The following FNBP1L variants were observed in gnomAD, a reference collection of about 807,000 sequenced individuals.
The protein encoded by FNBP1L is formin-binding protein 1-like.
A neutral mutation model predicts 91.2 loss-of-function variants in FNBP1L; 36 were observed. That is an observed-to-expected ratio of 0.39 (90% CI 0.30 to 0.52). The LOEUF (loss-of-function observed/expected upper bound fraction) is 0.52, where lower values mean the gene tolerates loss of function less well. Ranked by LOEUF, FNBP1L falls within the 20% of genes least tolerant of loss-of-function variation. The pLI is 0.66. For missense variants in FNBP1L, 571 were observed against 732.1 expected, an observed-to-expected ratio of 0.78 and a Z score of 2.54; for synonymous variants, 242 against 237.0, an observed-to-expected ratio of 1.02 and a Z score of -0.19.
intron 12 of FNBP1L, 57 bp downstream of exon 12, chr1:93,544,273 C>A: frequency 8.1e-7 from 1 of 1,238,430 alleles, no homozygotes; most frequent in South Asian, 1.4e-5. Context: ...CTTTGAGTGA[C>A]GCCCTTAAAT....
chr1:93,495,711 G>A (rs1670239041), intron 1 of FNBP1L, among the ~76,000 whole-genome samples: 1 of 151,992 alleles, frequency 6.6e-6, no homozygotes, highest in Non-Finnish European at 1.5e-5. Context: ...AATTTAATCT[G>A]TCCCTTCAAG....
chr1:93,466,791 G>A (rs1669095156), intron 1 of FNBP1L, among the ~76,000 whole-genome samples: 1 of 152,068 alleles, frequency 6.6e-6, no homozygotes, highest in Non-Finnish European at 1.5e-5. Flanking sequence ...ATTACTTTGG[G>A]CAGTATGGCC....
At chr1:93,519,602 G>A (rs1302933875) in intron 2 of FNBP1L, among the ~76,000 whole-genome samples, 1 of 152,142 alleles carries the variant, frequency 6.6e-6, no homozygotes, top group Non-Finnish European at 1.5e-5. Flanking sequence ...GCATATGACT[G>A]CACAGTTTGT....
chr1:93,532,872 ATGAT>A (rs763990566), intron 7 of FNBP1L, 46 bp from the exon 8 acceptor site: 2 of 1,450,706 alleles, frequency 1.4e-6, no homozygotes, highest in Non-Finnish European at 9.4e-7. Context: ...CTCCTTTAGA[ATGAT>A]TGAAAAATTC....
intron 14 of FNBP1L, among the ~76,000 whole-genome samples, chr1:93,548,947 A>G (rs1672321952): frequency 6.6e-6 from 1 of 152,160 alleles, no homozygotes; most frequent in African/African-American, 2.4e-5. Flanking sequence ...TTTTAGGATG[A>G]TAAATTTGGG....
intron 1 of FNBP1L, among the ~76,000 whole-genome samples, chr1:93,478,368 G>A (rs774364791): frequency 6.6e-6 from 1 of 152,196 alleles, no homozygotes; most frequent in Non-Finnish European, 1.5e-5. Context: ...GGGTATCAGA[G>A]CATGAATGGG....
intron 2 of FNBP1L, among the ~76,000 whole-genome samples, chr1:93,503,748 T>C (rs980708874): frequency 6.6e-6 from 1 of 152,220 alleles, no homozygotes; most frequent in African/African-American, 2.4e-5. Flanking sequence ...TGCAAAGATA[T>C]GCAACTGAAA....
At chr1:93,509,651 C>G (rs994689332) in intron 2 of FNBP1L, among the ~76,000 whole-genome samples, 2 of 152,222 alleles carry the variant, frequency 1.3e-5, no homozygotes, top group Non-Finnish European at 2.9e-5. Flanking sequence ...CAGCTCCCAG[C>G]GTGAGCGACG....
At chr1:93,505,846 T>A (rs942908344) in intron 2 of FNBP1L, among the ~76,000 whole-genome samples, 1 of 152,120 alleles carries the variant, frequency 6.6e-6, no homozygotes, top group African/African-American at 2.4e-5. Context: ...GCCCAGCTAA[T>A]TTTTGTATTT....
chr1:93,481,627 T>C (rs1222775918), intron 1 of FNBP1L, among the ~76,000 whole-genome samples: 1 of 152,166 alleles, frequency 6.6e-6, no homozygotes, highest in Non-Finnish European at 1.5e-5. Flanking sequence ...TCAAAATAAA[T>C]TTTACTTCTG....
chr1:93,448,551 C>T (rs1159937083), intron 1 of FNBP1L, among the ~76,000 whole-genome samples: 1 of 152,144 alleles, frequency 6.6e-6, no homozygotes, highest in Non-Finnish European at 1.5e-5. Context: ...GCGCCCGGGA[C>T]GGCCGGGGGA....
chr1:93,532,079 C>T (rs1366191563), intron 7 of FNBP1L, among the ~76,000 whole-genome samples: 1 of 152,162 alleles, frequency 6.6e-6, no homozygotes, highest in Non-Finnish European at 1.5e-5. Flanking sequence ...GAGGTGTACA[C>T]TGCAGTAGGT....
intron 1 of FNBP1L, among the ~76,000 whole-genome samples, chr1:93,468,044 T>A (rs1336971674): frequency 6.6e-6 from 1 of 152,224 alleles, no homozygotes. Context: ...CTGATCTTTT[T>A]ACTGTGACTT....
At chr1:93,485,628 A>AT (rs1669871284) in intron 1 of FNBP1L, among the ~76,000 whole-genome samples, 1 of 152,260 alleles carries the variant, frequency 6.6e-6, no homozygotes, top group Middle Eastern at 3.4e-3. Flanking sequence ...CTCAGCACTC[A>AT]TTTTTTTGTT....
intron 1 of FNBP1L, among the ~76,000 whole-genome samples, chr1:93,465,892 C>T (rs370272564): frequency 1.8e-4 from 28 of 152,262 alleles, no homozygotes; most frequent in East Asian, 7.7e-4. Flanking sequence ...TAATGATTGC[C>T]GTTCCAAATG....
intron 12 of FNBP1L, 114 bp from the exon 13 acceptor site, chr1:93,546,728 A>G: frequency 9.2e-7 from 1 of 1,091,552 alleles, no homozygotes; most frequent in Non-Finnish European, 1.3e-6. Context: ...ACTTAAAAAG[A>G]TGTGACTCTA....
chr1:93,543,986 G>GT, intron 11 of FNBP1L, 121 bp from the exon 12 acceptor site: 3 of 523,068 alleles, frequency 5.7e-6, no homozygotes, highest in South Asian at 5.4e-5. Context: ...TTAAGGGGTT[G>GT]CTTGAGGCAA....
intron 1 of FNBP1L, among the ~76,000 whole-genome samples, chr1:93,469,394 GTC>G (rs1669205735): frequency 6.6e-6 from 1 of 152,068 alleles, no homozygotes; most frequent in Non-Finnish European, 1.5e-5. Context: ...CTTCATCCAT[GTC>G]TCTGCAAAGG....
At chr1:93,552,091 C>T in intron 16 of FNBP1L, 1 of 1,099,514 alleles carries the variant, frequency 9.1e-7, no homozygotes, top group Non-Finnish European at 1.1e-6. Flanking sequence ...GTTATTTCCG[C>T]TGAATCATTA....
Sources: gnomAD v4.1 joint callset for allele counts (sites outside exome capture counted in the v4.1 genomes callset) on GRCh38, gnomAD v4.1.1 for gene constraint, MANE v1.5 for transcripts, NCBI Gene and HGNC (gene_info 2026-07-23, HGNC 2026-07-21) for gene names.